MAPK10: variants seen among roughly 807,000 people sequenced by gnomAD.
MAPK10 encodes the protein JNK3 alpha protein kinase.
In MAPK10, 25 loss-of-function variants were observed where a neutral mutation model predicts 59.3. The observed-to-expected ratio is 0.42, with a 90% CI of 0.31 to 0.59. The LOEUF is 0.59. Ranked by LOEUF, MAPK10 falls within the 20% of genes least tolerant of loss-of-function variation. MAPK10 has a pLI of 0.15. For missense variants in MAPK10, 351 were observed against 568.9 expected (o/e 0.62, Z 3.90); for synonymous variants, 190 against 200.5 (o/e 0.95, Z 0.44).
intron 1 of MAPK10, among the ~76,000 whole-genome samples, chr4:86,533,415 A>G (rs1757985614): frequency 6.6e-6 from 1 of 152,212 alleles, no homozygotes; most frequent in Admixed American, 6.5e-5. Flanking sequence ...TTTGCTATGT[A>G]TATACCATAA....
At chr4:86,513,061 T>TTTTTC (rs769453600) in intron 1 of MAPK10, among the ~76,000 whole-genome samples, 5 of 152,114 alleles carry the variant, frequency 3.3e-5, no homozygotes, top group African/African-American at 2.4e-5. Flanking sequence ...GAACATCCTT[T>TTTTTC]TTTTCTTTTC....
At chr4:86,328,658 A>G (rs1473280015) in intron 2 of MAPK10, among the ~76,000 whole-genome samples, 2 of 152,358 alleles carry the variant, frequency 1.3e-5, no homozygotes, top group South Asian at 2.1e-4. Context: ...ACACCGTAGA[A>G]TACTATGCAG....
chr4:86,063,135 A>C (rs774271848), intron 11 of MAPK10, among the ~76,000 whole-genome samples: 11 of 152,136 alleles, frequency 7.2e-5, no homozygotes, highest in Non-Finnish European at 1.5e-4. Flanking sequence ...TTACATTATG[A>C]AAAGGACCTG....
At chr4:86,168,347 C>A (rs1030936070) in intron 3 of MAPK10, among the ~76,000 whole-genome samples, 9 of 152,210 alleles carry the variant, frequency 5.9e-5, no homozygotes, top group African/African-American at 2.2e-4. Flanking sequence ...AAAATCGGGT[C>A]ACTCCCACCC....
intron 4 of MAPK10, among the ~76,000 whole-genome samples, chr4:86,158,786 C>T (rs1009920379): frequency 6.6e-6 from 1 of 151,866 alleles, no homozygotes; most frequent in Non-Finnish European, 1.5e-5. Context: ...CTAAGCAGCC[C>T]AGAATCTTTC....
rs1386781625 is a variant in MAPK10, at chr4:86,073,740, T to A, written c.803-5785A>T. Among the ~76,000 whole-genome samples, 13 of 110,464 alleles carry A rather than the reference T, an allele frequency of 1.2e-4. 1 individual carries two copies. Among genetic ancestry groups the A allele is most frequent in the Admixed American group, 5.0e-4 (6 of 11,938 alleles). 72.5% of individuals were successfully genotyped at this position (110,464 alleles called of 152,430 possible). On this transcript the variant is annotated intron_variant, in intron 9 of 13. Coordinates refer to ENST00000641462, the MANE Select transcript of MAPK10 (RefSeq NM_138982.4). ...TCTTAATCCTGAGTTCTAGTTTGAT[T>A]GCACTGTGGTCTGAGAGATAGTTTG...
At chr4:86,384,369 G>A (rs1241586356) in intron 1 of MAPK10, 1 of 152,224 alleles carries the variant, frequency 6.6e-6, no homozygotes, top group Non-Finnish European at 1.5e-5. Context: ...ACAGAGTGTA[G>A]TGTACTCAAA....
At chr4:86,408,011 G>A (rs1053268010) in intron 1 of MAPK10, among the ~76,000 whole-genome samples, 13 of 151,960 alleles carry the variant, frequency 8.6e-5, no homozygotes, top group African/African-American at 2.4e-4. Context: ...CCATCAACTC[G>A]TCATTTACAT....
At chr4:86,191,725 A>T (rs2079933334) in intron 3 of MAPK10, 1 of 150,836 alleles carries the variant, frequency 6.6e-6, no homozygotes, top group South Asian at 2.1e-4. Flanking sequence ...ACTCAATCCA[A>T]TTTGCCAGTC....
intron 1 of MAPK10, among the ~76,000 whole-genome samples, chr4:86,514,689 A>G (rs1756526655): frequency 2.0e-5 from 3 of 152,206 alleles, no homozygotes; most frequent in Admixed American, 6.5e-5. Flanking sequence ...TACTGCTAGG[A>G]GGAAGTAAGA....
chr4:86,105,347 T>C (rs372143929), intron 5 of MAPK10, among the ~76,000 whole-genome samples: 5 of 152,230 alleles, frequency 3.3e-5, no homozygotes, highest in Admixed American at 1.3e-4. Context: ...CATACATACA[T>C]ACACACATAA....
At chr4:86,326,921 C>CT (rs1466685452) in intron 2 of MAPK10, 1 of 152,170 alleles carries the variant, frequency 6.6e-6, no homozygotes, top group Non-Finnish European at 1.5e-5. Flanking sequence ...TTAAGAGCCT[C>CT]TTTATATCTG....
At chr4:86,113,299 C>T (rs1044799932) in intron 4 of MAPK10, among the ~76,000 whole-genome samples, 3 of 152,090 alleles carry the variant, frequency 2.0e-5, no homozygotes, top group African/African-American at 7.2e-5. Context: ...AATATAGTTG[C>T]TTCATAGTGT....
rs1579247535 is a variant in MAPK10, at chr4:86,445,232, T to A, written c.-122+7798A>T. ...GGCACATATACACCATGGAATACTA[T>A]GTAGCCATAAAAATAAACGAGATCA... On this transcript the variant is annotated intron_variant, in intron 1 of 13. Coordinates refer to the MAPK10 transcript ENST00000361569. Among the ~76,000 whole-genome samples, 3 of 152,270 alleles carry A rather than the reference T, an allele frequency of 2.0e-5. No homozygotes were observed. In the South Asian group the frequency reaches 6.2e-4, roughly 32 times the overall value.
At chr4:86,298,890 T>C (rs2095417967) in intron 2 of MAPK10, among the ~76,000 whole-genome samples, 1 of 152,146 alleles carries the variant, frequency 6.6e-6, no homozygotes, top group Non-Finnish European at 1.5e-5. Flanking sequence ...AGCTGGGAAA[T>C]GGTTTGGAAA....
At chr4:86,571,555 A>G (rs1379448954) in intron 1 of MAPK10, among the ~76,000 whole-genome samples, 1 of 152,122 alleles carries the variant, frequency 6.6e-6, no homozygotes, top group African/African-American at 2.4e-5. Flanking sequence ...TCAAGTAACA[A>G]TTGACTTCTT....
chr4:86,432,452 G>A (rs1748167474), intron 1 of MAPK10, among the ~76,000 whole-genome samples: 1 of 152,014 alleles, frequency 6.6e-6, no homozygotes, highest in Non-Finnish European at 1.5e-5. Flanking sequence ...TTTTATTTTT[G>A]TATTTTTGGT....
intron 2 of MAPK10, among the ~76,000 whole-genome samples, chr4:86,208,186 C>T (rs2084702380): frequency 6.6e-6 from 1 of 151,980 alleles, no homozygotes; most frequent in Non-Finnish European, 1.5e-5. Context: ...ACCATTCCTT[C>T]TGAAACTATT....
At chr4:86,127,911 G>A (rs2060328653) in intron 4 of MAPK10, among the ~76,000 whole-genome samples, 1 of 152,012 alleles carries the variant, frequency 6.6e-6, no homozygotes, top group South Asian at 2.1e-4. Context: ...ACAATGTAAA[G>A]ACTAGATATA....
Sources: gnomAD v4.1 joint callset for allele counts (sites outside exome capture counted in the v4.1 genomes callset) on GRCh38, gnomAD v4.1.1 for gene constraint, MANE v1.5 for transcripts, NCBI Gene and HGNC (gene_info 2026-07-23, HGNC 2026-07-21) for gene names.